STK33: variants seen among roughly 807,000 people sequenced by gnomAD.
STK33 encodes the protein serine/threonine-protein kinase 33.
Under a neutral mutation model 58.0 loss-of-function variants are expected in STK33, and 52 were observed. The observed-to-expected ratio is 0.90, with a 90% CI of 0.72 to 1.13. The LOEUF (loss-of-function observed/expected upper bound fraction) is 1.13. STK33 is among the 50% of genes most tolerant of loss of function. STK33 has a pLI of 0.00. For missense variants in STK33, 630 were observed against 604.2 expected (o/e 1.04, Z -0.45); for synonymous variants, 215 against 200.1 (o/e 1.07, Z -0.63).
At chr11:8,525,143 T>C (rs1202133087) in intron 1 of STK33, among the ~76,000 whole-genome samples, 3 of 152,302 alleles carry the variant, frequency 2.0e-5, no homozygotes, top group East Asian at 1.9e-4. Context: ...ACTATGTTCA[T>C]AGATTGAAAG....
intron 1 of STK33, among the ~76,000 whole-genome samples, chr11:8,536,320 C>T (rs1269165858): frequency 1.3e-5 from 2 of 152,074 alleles, no homozygotes; most frequent in African/African-American, 4.8e-5. Context: ...TAAATTTGTA[C>T]AAATTTTTTA....
chr11:8,553,199 G>GATATATA (rs1565347544), intron 1 of STK33, among the ~76,000 whole-genome samples: 45 of 60,952 alleles, frequency 7.4e-4, no homozygotes, highest in East Asian at 2.9e-3. Context: ...TATATATATG[G>GATATATA]TGTATATATA....
chr11:8,520,172 T>A (rs1276877231), intron 1 of STK33, among the ~76,000 whole-genome samples: 1 of 152,206 alleles, frequency 6.6e-6, no homozygotes, highest in African/African-American at 2.4e-5. Context: ...ATCCCTGGGA[T>A]GCAAGGCTGG....
chr11:8,476,129 T>C (rs1459627184), intron 4 of STK33, among the ~76,000 whole-genome samples: 4 of 152,204 alleles, frequency 2.6e-5, no homozygotes, highest in Non-Finnish European at 5.9e-5. Flanking sequence ...TCTTTCTTAC[T>C]AACAGAATCC....
chr11:8,440,883 C>T (rs533011330), intron 11 of STK33, 130 bp from the exon 12 acceptor site: 3 of 858,852 alleles, frequency 3.5e-6, no homozygotes. Flanking sequence ...GAACCAACAG[C>T]AGATCTTAAA....
At chr11:8,423,859 T>C (rs966814058) in intron 14 of STK33, among the ~76,000 whole-genome samples, 1 of 152,092 alleles carries the variant, frequency 6.6e-6, no homozygotes, top group Non-Finnish European at 1.5e-5. Flanking sequence ...ATTTTTGATA[T>C]ATATTTAAGG....
chr11:8,547,969 A>T (rs906534941), intron 1 of STK33, among the ~76,000 whole-genome samples: 1 of 141,498 alleles, frequency 7.1e-6, no homozygotes, highest in Admixed American at 7.3e-5. Context: ...CAATGAGAAC[A>T]CTTGGACACT....
At chr11:8,436,895 A>C (rs1185070638) in intron 12 of STK33, among the ~76,000 whole-genome samples, 1 of 152,112 alleles carries the variant, frequency 6.6e-6, no homozygotes, top group African/African-American at 2.4e-5. Context: ...ACAGGGTTTC[A>C]CCATGTTGGC....
chr11:8,546,175 G>A (rs1955897107), intron 1 of STK33, among the ~76,000 whole-genome samples: 1 of 152,212 alleles, frequency 6.6e-6, no homozygotes, highest in African/African-American at 2.4e-5. Flanking sequence ...AGTCAGTAGT[G>A]AGTGAATGTG....
intron 1 of STK33, among the ~76,000 whole-genome samples, chr11:8,562,374 T>C (rs139585614): frequency 3.9e-5 from 6 of 152,292 alleles, no homozygotes; most frequent in Middle Eastern, 3.4e-3. Context: ...TGTCTCCATT[T>C]TGAGATATTG....
chr11:8,498,040 T>C (rs1951195670), intron 1 of STK33, among the ~76,000 whole-genome samples: 1 of 152,114 alleles, frequency 6.6e-6, no homozygotes, highest in East Asian at 1.9e-4. Flanking sequence ...ATCTCAGAAA[T>C]ACAAGGTAGG....
chr11:8,497,979 C>G (rs145273243), intron 1 of STK33, among the ~76,000 whole-genome samples: 134 of 152,226 alleles, frequency 8.8e-4, no homozygotes, highest in African/African-American at 3.1e-3. Context: ...TACTAGCCAA[C>G]TGAATTCAGC....
At chr11:8,515,773 A>T (rs919773021) in intron 1 of STK33, among the ~76,000 whole-genome samples, 1 of 152,212 alleles carries the variant, frequency 6.6e-6, no homozygotes, top group Non-Finnish European at 1.5e-5. Flanking sequence ...ATTTGGATAA[A>T]ATTCAACACT....
chr11:8,531,806 T>G (rs773956538), intron 1 of STK33, among the ~76,000 whole-genome samples: 5 of 152,206 alleles, frequency 3.3e-5, no homozygotes, highest in Non-Finnish European at 5.9e-5. Context: ...AACTCACATC[T>G]TGATAGGAAT....
chr11:8,446,505 G>C (rs1374758704), intron 11 of STK33, among the ~76,000 whole-genome samples: 2 of 152,056 alleles, frequency 1.3e-5, no homozygotes, highest in East Asian at 1.9e-4. Flanking sequence ...TTCTCCTATA[G>C]CCAAGACAAT....
chr11:8,435,710 A>T, intron 13 of STK33, 131 bp from the exon 14 acceptor site: 1 of 478,938 alleles, frequency 2.1e-6, no homozygotes, highest in Non-Finnish European at 3.5e-6. Flanking sequence ...AATCATCAGT[A>T]TAAATGCCTA....
At chr11:8,559,128 G>A (rs1956960636) in intron 1 of STK33, among the ~76,000 whole-genome samples, 1 of 152,126 alleles carries the variant, frequency 6.6e-6, no homozygotes, top group African/African-American at 2.4e-5. Context: ...TGCCTCTAAA[G>A]CAACAAAACA....
chr11:8,338,510 C>G, the STK33 span, among the ~76,000 whole-genome samples: 1 of 152,170 alleles, frequency 6.6e-6, no homozygotes, highest in African/African-American at 2.4e-5. Context: ...CATCAATGCT[C>G]TGGGCCTTCA....
chr11:8,396,190 G>A (rs911509912), intron 15 of STK33, among the ~76,000 whole-genome samples: 3 of 152,052 alleles, frequency 2.0e-5, no homozygotes, highest in Non-Finnish European at 2.9e-5. Context: ...TGCAACCTCC[G>A]CCTCCCGGGT....
Sources: gnomAD v4.1 joint callset for allele counts (sites outside exome capture counted in the v4.1 genomes callset) on GRCh38, gnomAD v4.1.1 for gene constraint, MANE v1.5 for transcripts, NCBI Gene and HGNC (gene_info 2026-07-23, HGNC 2026-07-21) for gene names.